ZNF33B: variants seen among roughly 807,000 people sequenced by gnomAD.
The protein encoded by ZNF33B is zinc finger protein 33B, also known as zinc finger protein 11b (KOX 2).
Under a neutral mutation model 45.8 loss-of-function variants are expected in ZNF33B, and 29 were observed. The observed-to-expected ratio is 0.63, with a 90% CI of 0.47 to 0.86. ZNF33B has a LOEUF of 0.86. ZNF33B is among the 40% of genes least tolerant of loss of function. The probability of loss-of-function intolerance (pLI) is 0.00; values close to 1 mark genes in which losing one functional copy is unlikely to be tolerated. For missense variants in ZNF33B, 831 were observed against 909.9 expected, an observed-to-expected ratio of 0.91 and a Z score of 1.12; for synonymous variants, 305 against 307.8, an observed-to-expected ratio of 0.99 and a Z score of 0.10.
rs774841461 is a variant in ZNF33B at position 42,593,679 on chromosome 10, T to C, written c.1271A>G (p.Gln424Arg). The part of the protein sequence containing the change: ...QCNACGKTFY[Q>R]KSDLTKHQRT... ...CTGATGTTTAGTGAGGTCAGATTTC[T>C]GGTAAAAAGTTTTCCCACATGCATT... The change falls in exon 5 of 5, where the codon CAG becomes CGG. Residue 424 changes from glutamine (Q) to arginine (R), a missense_variant. Gln to Arg is a conservative substitution (Grantham distance 43). Transcript: ENST00000359467. 3.1e-6 allele frequency: 5 copies of C among 1,613,628 alleles called. No homozygotes were observed. Among genetic ancestry groups the C allele is most frequent in the Non-Finnish European group, 4.2e-6 (5 of 1,179,632 alleles).
chr10:42,578,304 G>T (rs1412898376), intron 1 of ZNF33B, among the ~76,000 whole-genome samples: 1 of 152,230 alleles, frequency 6.6e-6, no homozygotes, highest in East Asian at 1.9e-4. Context: ...GTGGATAAGA[G>T]GCCTGCAGCA....
Position 42,594,202 on chromosome 10 carries a change from T to A in ZNF33B, c.748A>T (p.Asn250Tyr), listed in dbSNP as rs144279956. 172 of 1,613,716 alleles carry A rather than the reference T, an allele frequency of 1.1e-4. No homozygotes were observed. In the African/African-American group the frequency reaches 2.1e-3, roughly 20 times the overall value. The change falls in exon 5 of 5, where the codon AAT (asparagine) becomes TAT (tyrosine). Residue 250 changes from asparagine to tyrosine, a missense_variant. By Grantham distance (143) the Asn-to-Tyr change is moderately radical. Coordinates refer to ENST00000359467, the MANE Select transcript of ZNF33B (RefSeq NM_006955.3). ...TCACAGAAAGTTCTCCCAAATTCATTATAGTCACAGTTATTCTCTTCTGCA... is the reference window on the plus strand; with the variant it reads ...TCACAGAAAGTTCTCCCAAATTCATAATAGTCACAGTTATTCTCTTCTGCA... ...ENAEENNCDY[N>Y]EFGRTFCDSS...
At chr10:42,608,721 ACACTGGACAGGAGCAG>A (rs905284414) in intron 4 of ZNF33B, among the ~76,000 whole-genome samples, 4 of 152,138 alleles carry the variant, frequency 2.6e-5, no homozygotes, top group African/African-American at 9.7e-5. Context: ...CCACCTTAAA[ACACTGGACAGGAGCAG>A]CAATACAAAC....
chr10:42,594,350 C>G lies in ZNF33B; in HGVS notation c.600G>C (p.Leu200=). Residue 200 remains leucine (L), a synonymous_variant, in exon 5 of 5, where the codon CTG becomes CTC. Coordinates refer to ENST00000359467, the MANE Select transcript of ZNF33B (RefSeq NM_006955.3). The part of the protein sequence containing the change: ...KNEVLKNRNT[L]SHRENTLQHE... ...GCTGCAAAGTGTTCTCACGATGACTCAGAGTGTTCCTATTTTTCAAAACTT... is the reference window on the plus strand; with the variant it reads ...GCTGCAAAGTGTTCTCACGATGACTGAGAGTGTTCCTATTTTTCAAAACTT... 2 of 1,613,856 alleles carry G rather than the reference C, an allele frequency of 1.2e-6. No homozygotes were observed. Among genetic ancestry groups the G allele is most frequent in the South Asian group, 2.2e-5 (2 of 91,052 alleles).
At chr10:42,630,776 T>C (rs1336753690) in intron 4 of ZNF33B, among the ~76,000 whole-genome samples, 2 of 152,166 alleles carry the variant, frequency 1.3e-5, no homozygotes, top group African/African-American at 4.8e-5. Context: ...GAGATATAAA[T>C]CAGATGTTGC....
chr10:42,585,209 C>T (rs959462663), downstream of ZNF33B, among the ~76,000 whole-genome samples: 2 of 152,340 alleles, frequency 1.3e-5, no homozygotes, highest in Middle Eastern at 3.4e-3. Context: ...TTTCTAAGCT[C>T]CACACTGTCC....
Position 42,618,391 on chromosome 10 carries a change from C to T in ZNF33B, c.250+13538G>A, listed in dbSNP as rs1589055330. Among the ~76,000 whole-genome samples the T allele has an allele frequency of 2.6e-5, 4 of 152,148 alleles. No homozygotes were observed. In the East Asian group the frequency reaches 7.7e-4, roughly 29 times the overall value. ...GTTTGGGCTATGACCCATAAAACTG[C>T]TATAAAATTTTTTTGATGGAACATT... On this transcript the variant is annotated intron_variant, in intron 4 of 4. Coordinates refer to ENST00000359467, the MANE Select transcript of ZNF33B (RefSeq NM_006955.3).
chr10:42,616,343 C>A (rs1019383905), intron 4 of ZNF33B, among the ~76,000 whole-genome samples: 2 of 152,128 alleles, frequency 1.3e-5, no homozygotes, highest in African/African-American at 4.8e-5. Flanking sequence ...TGAATTATAT[C>A]TCATATAATT....
chr10:42,638,322 G>A (rs1383508213), intron 1 of ZNF33B, among the ~76,000 whole-genome samples, 152 bp downstream of exon 1: 3 of 152,388 alleles, frequency 2.0e-5, no homozygotes, highest in East Asian at 3.9e-4. Context: ...CTGGCGTAGC[G>A]TCCTGGTAGA....
At chr10:42,610,183 T>C (rs1423261140) in intron 4 of ZNF33B, among the ~76,000 whole-genome samples, 2 of 151,766 alleles carry the variant, frequency 1.3e-5, no homozygotes, top group Non-Finnish European at 2.9e-5. Flanking sequence ...AATAAAAGAG[T>C]TCAACAATGT....
chr10:42,584,722 T>G (rs765344895), downstream of ZNF33B, among the ~76,000 whole-genome samples: 1 of 152,176 alleles, frequency 6.6e-6, no homozygotes, highest in Non-Finnish European at 1.5e-5. Context: ...GGTTTTACCA[T>G]GTTGGCCAAG....
At chr10:42,604,205 G>A (rs1486125196) in intron 4 of ZNF33B, among the ~76,000 whole-genome samples, 1 of 152,186 alleles carries the variant, frequency 6.6e-6, no homozygotes, top group East Asian at 1.9e-4. Flanking sequence ...AATACTTTGG[G>A]AGGTTGAGGC....
downstream of ZNF33B, among the ~76,000 whole-genome samples, chr10:42,584,879 A>T (rs1461241568): frequency 6.6e-6 from 1 of 152,112 alleles, no homozygotes; most frequent in Non-Finnish European, 1.5e-5. Flanking sequence ...AATCACCATC[A>T]TCAGTTAGGA....
intron 4 of ZNF33B, among the ~76,000 whole-genome samples, chr10:42,596,644 A>G (rs1266753328): frequency 6.6e-6 from 1 of 152,084 alleles, no homozygotes; most frequent in Non-Finnish European, 1.5e-5. Context: ...TATTGTTTCT[A>G]GTGTGGTCTT....
intron 2 of ZNF33B, among the ~76,000 whole-genome samples, chr10:42,635,011 CCAA>C (rs1839223207): frequency 1.3e-5 from 2 of 152,142 alleles, no homozygotes; most frequent in South Asian, 2.1e-4. Flanking sequence ...TTTTGGGAAG[CCAA>C]GGCAGGCGAA....
intron 4 of ZNF33B, among the ~76,000 whole-genome samples, chr10:42,603,354 A>G (rs1279610834): frequency 6.6e-6 from 1 of 152,218 alleles, no homozygotes; most frequent in Admixed American, 6.5e-5. Context: ...AAAGAATGGA[A>G]ATTCAATGAT....
In ZNF33B at chr10:42,636,968, T is replaced by C; in HGVS notation, c.-40A>G. 1.2e-6 allele frequency: 2 copies of C among 1,613,922 alleles called. No homozygotes were observed. Among genetic ancestry groups the C allele is most frequent in the Non-Finnish European group, 1.7e-6 (2 of 1,179,928 alleles). On this transcript the variant is annotated 5_prime_UTR_variant, in exon 2 of 5. Coordinates refer to ENST00000359467, the MANE Select transcript of ZNF33B (RefSeq NM_006955.3). ...GGAAAGACGGAGACAACTCTGAAGA[T>C]ACAGCTGAGTTGGAAAAAGAGGAAT...
At chr10:42,575,156 T>C (rs1172042313) in intron 1 of ZNF33B, among the ~76,000 whole-genome samples, 2 of 152,194 alleles carry the variant, frequency 1.3e-5, no homozygotes, top group African/African-American at 4.8e-5. Context: ...AGATGACTTG[T>C]CCAAAAGTTT....
chr10:42,587,556 A>G (rs1439605230), downstream of ZNF33B, among the ~76,000 whole-genome samples: 1 of 152,124 alleles, frequency 6.6e-6, no homozygotes, highest in East Asian at 1.9e-4. Context: ...TGGCCTCAAC[A>G]TGACTTTTGG....
Sources: allele counts gnomAD v4.1 joint callset (sites outside exome capture counted in the v4.1 genomes callset), GRCh38; gene constraint gnomAD v4.1.1; transcripts MANE v1.5; gene names NCBI Gene and HGNC (gene_info 2026-07-23, HGNC 2026-07-21).